Variants in GNA14 observed in about 807,000 individuals in gnomAD.
GNA14 encodes the protein G protein subunit alpha 14.
A neutral mutation model predicts 42.0 loss-of-function variants in GNA14; 50 were observed. That is an observed-to-expected ratio of 1.19 (90% CI 0.95 to 1.51). The LOEUF is 1.51. Among genes scored for constraint, GNA14 ranks in the 40% most tolerant of loss-of-function variants. GNA14 has a pLI of 0.00. For missense variants in GNA14, 473 were observed against 446.2 expected (o/e 1.06, Z -0.54); for synonymous variants, 173 against 163.1 (o/e 1.06, Z -0.46).
intron 1 of GNA14, among the ~76,000 whole-genome samples, chr9:77,587,142 A>G (rs536707339): frequency 1.3e-5 from 2 of 152,130 alleles, no homozygotes; most frequent in Non-Finnish European, 2.9e-5. Context: ...AAAGAAAAGA[A>G]CAAGTGTTGA....
chr9:77,425,995 C>T (rs762940438), intron 5 of GNA14, among the ~76,000 whole-genome samples: 63 of 152,176 alleles, frequency 4.1e-4, no homozygotes, highest in Non-Finnish European at 7.9e-4. Context: ...GTAAGAAAGG[C>T]TTTGGTGCAG....
At chr9:77,530,196 C>T (rs921740092) in intron 1 of GNA14, among the ~76,000 whole-genome samples, 13 of 152,112 alleles carry the variant, frequency 8.5e-5, no homozygotes, top group African/African-American at 3.1e-4. Flanking sequence ...GGAGATGACT[C>T]GATCATGGGG....
intron 1 of GNA14, among the ~76,000 whole-genome samples, chr9:77,529,644 GTCAAC>G (rs1319247679): frequency 6.6e-6 from 1 of 152,180 alleles, no homozygotes; most frequent in East Asian, 1.9e-4. Context: ...TCATGAATCA[GTCAAC>G]TCCTTCCTTT....
intron 2 of GNA14, among the ~76,000 whole-genome samples, chr9:77,514,593 C>T (rs1219101730): frequency 6.7e-6 from 1 of 149,824 alleles, no homozygotes; most frequent in Non-Finnish European, 1.5e-5. Context: ...CAAAGAAAGT[C>T]TTCTATAATA....
chr9:77,507,097 T>C (rs1837083698), intron 2 of GNA14, among the ~76,000 whole-genome samples: 1 of 152,224 alleles, frequency 6.6e-6, no homozygotes, highest in African/African-American at 2.4e-5. Flanking sequence ...AAGATATCTC[T>C]AGTCACACAG....
At chr9:77,591,411 T>C (rs1224059716) in intron 1 of GNA14, among the ~76,000 whole-genome samples, 1 of 152,198 alleles carries the variant, frequency 6.6e-6, no homozygotes, top group Non-Finnish European at 1.5e-5. Flanking sequence ...TCATTCTCTC[T>C]CCCTCTTTTA....
chr9:77,616,577 G>A (rs899980360), intron 1 of GNA14, among the ~76,000 whole-genome samples: 3 of 152,212 alleles, frequency 2.0e-5, no homozygotes, highest in South Asian at 2.1e-4. Flanking sequence ...TATTACACAC[G>A]AGGTACAGGC....
intron 2 of GNA14, among the ~76,000 whole-genome samples, chr9:77,463,481 G>C (rs148356562): frequency 6.6e-5 from 10 of 152,192 alleles, no homozygotes. Context: ...CTCCCAGCCC[G>C]GGGTAGGACC....
At chr9:77,522,583 C>A (rs779883566) in intron 2 of GNA14, among the ~76,000 whole-genome samples, 9 of 152,140 alleles carry the variant, frequency 5.9e-5, no homozygotes. Flanking sequence ...AAAGCAGAAT[C>A]CAAATTGAAC....
chr9:77,495,747 C>A (rs1447689217), intron 2 of GNA14, among the ~76,000 whole-genome samples: 2 of 152,174 alleles, frequency 1.3e-5, no homozygotes, highest in African/African-American at 4.8e-5. Context: ...TCACTACACA[C>A]ATAGTTTACA....
chr9:77,556,476 T>C (rs1391967410), intron 1 of GNA14, among the ~76,000 whole-genome samples: 2 of 152,126 alleles, frequency 1.3e-5, no homozygotes, highest in African/African-American at 4.8e-5. Flanking sequence ...CTGGATCAAA[T>C]GTTTTAGAAA....
chr9:77,552,316 GA>G (rs1837796642), intron 1 of GNA14, among the ~76,000 whole-genome samples: 1 of 151,992 alleles, frequency 6.6e-6, no homozygotes. Context: ...GAGGCTGAGA[GA>G]TGAACAAATC....
intron 1 of GNA14, chr9:77,580,501 G>A: frequency 5.0e-6 from 2 of 399,058 alleles, no homozygotes; most frequent in South Asian, 5.3e-5. Flanking sequence ...CAGCATGGTT[G>A]TGGGTGAGCT....
chr9:77,428,177 C>T (rs926477757), intron 5 of GNA14, among the ~76,000 whole-genome samples: 1 of 148,972 alleles, frequency 6.7e-6, no homozygotes, highest in African/African-American at 2.5e-5. Context: ...CTCCCGGGTT[C>T]ACGCCATTCT....
intron 2 of GNA14, among the ~76,000 whole-genome samples, chr9:77,455,550 T>A (rs979215849): frequency 2.0e-5 from 3 of 152,216 alleles, no homozygotes; most frequent in Non-Finnish European, 4.4e-5. Context: ...ATGGTCTTGT[T>A]CCCAGTTCTC....
chr9:77,499,543 T>A (rs1202987154), intron 2 of GNA14, among the ~76,000 whole-genome samples: 3 of 152,128 alleles, frequency 2.0e-5, no homozygotes, highest in Admixed American at 6.6e-5. Context: ...AAAGGCCACA[T>A]AGCATATATA....
intron 2 of GNA14, among the ~76,000 whole-genome samples, chr9:77,506,484 C>G (rs1837072486): frequency 6.6e-6 from 1 of 152,060 alleles, no homozygotes; most frequent in Admixed American, 6.6e-5. Flanking sequence ...CGAGGTCATT[C>G]TGGCCAGTGT....
chr9:77,424,277 C>T lies in GNA14; in HGVS notation c.878-108G>A, dbSNP rs532597824. On this transcript the variant is annotated intron_variant, in intron 6 of 6. Coordinates refer to ENST00000341700, the MANE Select transcript of GNA14 (RefSeq NM_004297.4). ...TCGCTCTGTAGCCCAGGCTGGAGTG[C>T]AGTGGCACGGTCTCAGCTCACTGCA... 364 of 697,594 alleles carry T rather than the reference C, an allele frequency of 5.2e-4. 2 individuals are homozygous for T. The highest frequency in any genetic ancestry group is 7.8e-4 in the Non-Finnish European group (331 of 426,392). The allele number at this position is 697,594 out of a possible 1,614,324, so 43.2% of individuals were successfully genotyped here.
intron 1 of GNA14, among the ~76,000 whole-genome samples, chr9:77,599,397 T>C (rs1351591722): frequency 6.6e-6 from 1 of 152,216 alleles, no homozygotes; most frequent in Non-Finnish European, 1.5e-5. Flanking sequence ...GCCCCTCTGC[T>C]GGGATTCTGA....
Sources: allele counts gnomAD v4.1 joint callset (sites outside exome capture counted in the v4.1 genomes callset), GRCh38; gene constraint gnomAD v4.1.1; transcripts MANE v1.5; gene names NCBI Gene and HGNC (gene_info 2026-07-23, HGNC 2026-07-21).